Variants in CEP112 observed in about 807,000 individuals in gnomAD.
CEP112 encodes the protein centrosomal protein 112.
A neutral mutation model predicts 153.0 loss-of-function variants in CEP112; 127 were observed. That is an observed-to-expected ratio of 0.83 (90% CI 0.72 to 0.96). CEP112 has a LOEUF of 0.96. Ranked by LOEUF, CEP112 falls within the 40% of genes least tolerant of loss-of-function variation. The pLI is 0.00. For synonymous variants in CEP112, 358 were observed against 374.4 expected (o/e 0.96, Z 0.51); for missense variants, 1,089 against 1,101.2 (o/e 0.99, Z 0.16).
At chr17:65,867,002 C>T (rs539241726) in intron 20 of CEP112, among the ~76,000 whole-genome samples, 12 of 151,706 alleles carry the variant, frequency 7.9e-5, no homozygotes, top group African/African-American at 1.7e-4. Flanking sequence ...AGAGGAGAGA[C>T]GAGAGAAGGA....
In CEP112 at chr17:65,927,567, A is replaced by C; in HGVS notation, c.1980+15T>G. The C allele has an allele frequency of 2.7e-6, 4 of 1,481,892 alleles. No individual in the cohort carries two copies. The highest frequency in any genetic ancestry group is 3.7e-6 in the Non-Finnish European group (4 of 1,085,742). The allele number at this position is 1,481,892 out of a possible 1,614,324, so 91.8% of individuals were successfully genotyped here. The stretch of plus-strand genomic sequence containing the variant: ...TTTTAAAAATTTAATGGCAGCATCA[A>C]AATGAAAGACCAACCTGTTGTTCAT... On this transcript the variant is annotated intron_variant, in intron 19 of 26. Transcript: ENST00000535342.
intron 8 of CEP112, among the ~76,000 whole-genome samples, chr17:66,083,965 A>G (rs114471400): frequency 6.6e-6 from 1 of 152,334 alleles, no homozygotes; most frequent in African/African-American, 2.4e-5. Flanking sequence ...ATTTTTAAAT[A>G]GACAAAAAAG....
chr17:65,700,615 G>T (rs1255293141), intron 23 of CEP112, among the ~76,000 whole-genome samples: 1 of 152,142 alleles, frequency 6.6e-6, no homozygotes, highest in Non-Finnish European at 1.5e-5. Flanking sequence ...ATGGGTTGCG[G>T]CTCAAACTTA....
intron 12 of CEP112, among the ~76,000 whole-genome samples, chr17:66,033,731 C>G (rs750260792): frequency 2.4e-4 from 37 of 152,182 alleles, no homozygotes; most frequent in Admixed American, 5.2e-4. Context: ...CTTACCCTTT[C>G]TTTTGCTTTT....
At chr17:65,997,742 TATA>T (rs1310280807) in intron 17 of CEP112, among the ~76,000 whole-genome samples, 2 of 151,580 alleles carry the variant, frequency 1.3e-5, no homozygotes, top group Non-Finnish European at 2.9e-5. Flanking sequence ...TTTATATAAA[TATA>T]ATGTCTAGAT....
intron 4 of CEP112, among the ~76,000 whole-genome samples, chr17:66,173,867 A>C (rs2072349280): frequency 6.6e-6 from 1 of 151,802 alleles, no homozygotes; most frequent in South Asian, 2.1e-4. Context: ...TTGCCTCCCC[A>C]TTCTGTTTCT....
chr17:65,731,307 T>C (rs552100177), intron 23 of CEP112, among the ~76,000 whole-genome samples: 1 of 152,346 alleles, frequency 6.6e-6, no homozygotes, highest in East Asian at 1.9e-4. Flanking sequence ...TCCCAGTGCA[T>C]ATAAAAAAGT....
At chr17:65,923,105 C>G (rs2144102168) in intron 19 of CEP112, among the ~76,000 whole-genome samples, 1 of 152,238 alleles carries the variant, frequency 6.6e-6, no homozygotes, top group East Asian at 1.9e-4. Context: ...CAGTTGCCAT[C>G]CCATATTAAT....
intron 19 of CEP112, among the ~76,000 whole-genome samples, chr17:65,924,228 G>A (rs1314609115): frequency 7.2e-5 from 11 of 151,940 alleles, no homozygotes; most frequent in South Asian, 4.2e-4. Context: ...CGCCTGCCTC[G>A]GCCTCCCAAA....
intron 6 of CEP112, among the ~76,000 whole-genome samples, chr17:66,104,196 T>G (rs2068683904): frequency 6.6e-6 from 1 of 152,134 alleles, no homozygotes; most frequent in African/African-American, 2.4e-5. Context: ...GCAACACAGT[T>G]TGCAGCTCTG....
At chr17:66,155,954 A>G (rs2071420229) in intron 4 of CEP112, among the ~76,000 whole-genome samples, 2 of 152,226 alleles carry the variant, frequency 1.3e-5, no homozygotes, top group Admixed American at 6.5e-5. Flanking sequence ...CTGTGGGCGC[A>G]GCTCCAGAAG....
chr17:65,745,935 G>A (rs1009178021), intron 22 of CEP112, among the ~76,000 whole-genome samples: 11 of 151,808 alleles, frequency 7.2e-5, no homozygotes, highest in Non-Finnish European at 1.2e-4. Flanking sequence ...GTTTTGAGGC[G>A]GCCGGATCAC....
At chr17:65,756,670 T>C (rs765994275) in intron 21 of CEP112, among the ~76,000 whole-genome samples, 4 of 152,138 alleles carry the variant, frequency 2.6e-5, no homozygotes, top group Non-Finnish European at 5.9e-5. Context: ...TTGTTCAGAA[T>C]TTTATTAAAA....
At chr17:66,005,124 G>A (rs542058429) in intron 17 of CEP112, among the ~76,000 whole-genome samples, 1 of 152,242 alleles carries the variant, frequency 6.6e-6, no homozygotes, top group Admixed American at 6.5e-5. Flanking sequence ...ATGAATCAAT[G>A]TTTTTTCAGC....
At chr17:66,100,455 T>C (rs1003091078) in intron 6 of CEP112, among the ~76,000 whole-genome samples, 1 of 140,860 alleles carries the variant, frequency 7.1e-6, no homozygotes, top group Non-Finnish European at 1.5e-5. Flanking sequence ...AAGATAACTA[T>C]AGTAACAGCA....
In CEP112 at chr17:65,902,331, C is replaced by G. The variant is rs946691767; in HGVS notation, c.1984G>C (p.Val662Leu). ...TGTTCATGCTCCAGCTTCAGCTCTA[C>G]TATCTGATTGGACAATGAGGAGGAC... ...DIRQRYEQQI[V>L]ELKLEHEQEK... Residue 662 changes from valine to leucine, a missense_variant, in exon 20 of 27, where the codon GTA (valine) becomes CTA (leucine). Transcript: ENST00000535342. 5 of 1,612,302 alleles carry G rather than the reference C, an allele frequency of 3.1e-6. No individual in the cohort carries two copies. The highest frequency in any genetic ancestry group is 4.2e-6 in the Non-Finnish European group (5 of 1,179,378).
At chr17:65,849,746 C>G (rs551733020) in intron 21 of CEP112, among the ~76,000 whole-genome samples, 2 of 152,250 alleles carry the variant, frequency 1.3e-5, no homozygotes, top group Admixed American at 6.5e-5. Flanking sequence ...TTGACTGAAG[C>G]CAAGGTGAAG....
intron 23 of CEP112, among the ~76,000 whole-genome samples, chr17:65,693,660 G>A (rs1423535355): frequency 6.6e-6 from 1 of 152,166 alleles, no homozygotes; most frequent in East Asian, 1.9e-4. Flanking sequence ...AAGCGGTGGG[G>A]CAGTGTGCTT....
At chr17:65,877,605 C>T (rs1172270379) in intron 20 of CEP112, among the ~76,000 whole-genome samples, 1 of 152,170 alleles carries the variant, frequency 6.6e-6, no homozygotes, top group African/African-American at 2.4e-5. Context: ...AAAACTAAGA[C>T]AATACCATGC....
Sources: gnomAD v4.1 joint callset for allele counts (sites outside exome capture counted in the v4.1 genomes callset) on GRCh38, gnomAD v4.1.1 for gene constraint, MANE v1.5 for transcripts, NCBI Gene and HGNC (gene_info 2026-07-23, HGNC 2026-07-21) for gene names.